ROBO2: variants seen among roughly 807,000 people sequenced by gnomAD.
The protein encoded by ROBO2 is roundabout guidance receptor 2.
In ROBO2, 53 loss-of-function variants were observed where a neutral mutation model predicts 160.8. The observed-to-expected ratio is 0.33, with a 90% CI of 0.26 to 0.41. The LOEUF (loss-of-function observed/expected upper bound fraction) is 0.41, where lower values mean the gene tolerates loss of function less well. ROBO2 is among the 10% of genes least tolerant of loss of function. ROBO2 has a pLI of 1.00. For missense variants in ROBO2, 1,577 were observed against 1,722.4 expected (o/e 0.92, Z 1.49); for synonymous variants, 664 against 611.7 (o/e 1.09, Z -1.26).
At chr3:77,294,527 G>C (rs1397560246) in intron 2 of ROBO2, among the ~76,000 whole-genome samples, 2 of 146,548 alleles carry the variant, frequency 1.4e-5, no homozygotes, top group African/African-American at 2.7e-5. Context: ...TGGTTAAACG[G>C]GTAAACTGAG....
chr3:76,096,427 G>T (rs997618568), intron 2 of ROBO2, among the ~76,000 whole-genome samples: 1 of 152,094 alleles, frequency 6.6e-6, no homozygotes, highest in African/African-American at 2.4e-5. Context: ...TAACCCAGAG[G>T]AAGATCACAT....
chr3:77,520,472 A>T (rs937238308), intron 5 of ROBO2, among the ~76,000 whole-genome samples: 6 of 151,278 alleles, frequency 4.0e-5, no homozygotes, highest in Non-Finnish European at 7.4e-5. Context: ...TGGAGGTAAC[A>T]TACAATTTTT....
At chr3:77,129,172 G>A (rs1008770866) in intron 2 of ROBO2, among the ~76,000 whole-genome samples, 3 of 151,244 alleles carry the variant, frequency 2.0e-5, no homozygotes, top group African/African-American at 7.3e-5. Context: ...TACTAATTAT[G>A]TGTCTTTATT....
At chr3:77,152,570 C>T (rs1560117901) in intron 2 of ROBO2, among the ~76,000 whole-genome samples, 1 of 152,208 alleles carries the variant, frequency 6.6e-6, no homozygotes, top group African/African-American at 2.4e-5. Flanking sequence ...ATCCACATCA[C>T]CTGTGAGTAT....
chr3:76,284,722 AG>A (rs751664263), intron 2 of ROBO2, among the ~76,000 whole-genome samples: 29 of 152,142 alleles, frequency 1.9e-4, no homozygotes, highest in Non-Finnish European at 3.2e-4. Flanking sequence ...TTTTATCCAG[AG>A]GCCTGACCTT....
intron 2 of ROBO2, among the ~76,000 whole-genome samples, chr3:75,994,616 T>C (rs1384075218): frequency 1.3e-5 from 2 of 152,254 alleles, no homozygotes; most frequent in African/African-American, 4.8e-5. Flanking sequence ...AAATATCTTT[T>C]CTTTACAAAT....
intron 1 of ROBO2, chr3:75,937,453 T>A (rs1388929501): frequency 7.8e-7 from 1 of 1,286,336 alleles, no homozygotes; most frequent in Non-Finnish European, 1.1e-6. Context: ...TTTATTGTAC[T>A]TTCACATCCA....
At chr3:77,001,038 T>A (rs2061311607) in intron 2 of ROBO2, among the ~76,000 whole-genome samples, 1 of 152,182 alleles carries the variant, frequency 6.6e-6, no homozygotes, top group African/African-American at 2.4e-5. Flanking sequence ...ATCATTTGCG[T>A]GCCTGCTAAA....
At chr3:76,039,136 C>T (rs1215292104) in intron 2 of ROBO2, among the ~76,000 whole-genome samples, 1 of 151,826 alleles carries the variant, frequency 6.6e-6, no homozygotes, top group African/African-American at 2.4e-5. Context: ...GGGAAGTGGC[C>T]ATAGTAAAGA....
intron 2 of ROBO2, among the ~76,000 whole-genome samples, chr3:77,138,634 A>C (rs2076464567): frequency 6.6e-6 from 1 of 152,122 alleles, no homozygotes; most frequent in African/African-American, 2.4e-5. Context: ...AAATATGCAG[A>C]GTGAGTTTTT....
chr3:76,554,538 G>T (rs889609182), intron 2 of ROBO2, among the ~76,000 whole-genome samples: 6 of 151,976 alleles, frequency 3.9e-5, no homozygotes, highest in Admixed American at 6.6e-5. Flanking sequence ...GTCCCACTTC[G>T]TTGCCTACAT....
intron 2 of ROBO2, among the ~76,000 whole-genome samples, chr3:77,380,935 T>TC (rs76744668): frequency 0.33 from 49,343 of 151,742 alleles, 8,455 homozygotes; most frequent in Non-Finnish European, 0.38. Context: ...TTTCTCTTTC[T>TC]CCCCGTGAAA....
chr3:77,242,010 A>G (rs1356394810), intron 2 of ROBO2, among the ~76,000 whole-genome samples: 1 of 152,192 alleles, frequency 6.6e-6, no homozygotes, highest in Non-Finnish European at 1.5e-5. Flanking sequence ...CATTTTGCTA[A>G]TATGCGGGAA....
At chr3:76,948,670 C>A (rs983505986) in intron 2 of ROBO2, among the ~76,000 whole-genome samples, 1 of 130,124 alleles carries the variant, frequency 7.7e-6, no homozygotes, top group African/African-American at 2.9e-5. Flanking sequence ...TGTACTTAAT[C>A]TGATGTTCCA....
At chr3:77,531,016 A>G (rs1050596560) in intron 6 of ROBO2, among the ~76,000 whole-genome samples, 2 of 151,964 alleles carry the variant, frequency 1.3e-5, no homozygotes, top group Admixed American at 1.3e-4. Context: ...CCCAGCAGCA[A>G]CTCAAAACAT....
chr3:77,032,331 T>C (rs933520427), intron 2 of ROBO2, among the ~76,000 whole-genome samples: 18 of 152,162 alleles, frequency 1.2e-4, no homozygotes, highest in African/African-American at 4.3e-4. Context: ...AGTTACATCA[T>C]CAATTTGAGC....
intron 2 of ROBO2, among the ~76,000 whole-genome samples, chr3:76,691,175 A>G (rs964513004): frequency 1.3e-5 from 2 of 152,116 alleles, no homozygotes; most frequent in African/African-American, 4.8e-5. Context: ...GTAAGTTATC[A>G]AGGGAATGGG....
chr3:76,741,300 G>T (rs2093797980), intron 2 of ROBO2, among the ~76,000 whole-genome samples: 1 of 151,986 alleles, frequency 6.6e-6, no homozygotes, highest in Non-Finnish European at 1.5e-5. Flanking sequence ...TCAACTTGAT[G>T]GTTAACTAAT....
At chr3:76,318,795 G>GA (rs568155370) in intron 2 of ROBO2, among the ~76,000 whole-genome samples, 10 of 151,862 alleles carry the variant, frequency 6.6e-5, no homozygotes, top group East Asian at 3.9e-4. Context: ...AAAAAATGGG[G>GA]AAAAAATATA....
Sources: gnomAD v4.1 joint callset for allele counts (sites outside exome capture counted in the v4.1 genomes callset) on GRCh38, gnomAD v4.1.1 for gene constraint, MANE v1.5 for transcripts, NCBI Gene and HGNC (gene_info 2026-07-23, HGNC 2026-07-21) for gene names.